The following L3HYPDH variants were observed in gnomAD, a reference collection of about 807,000 sequenced individuals.
L3HYPDH encodes the protein trans-L-3-hydroxyproline dehydratase.
A neutral mutation model predicts 26.5 loss-of-function variants in L3HYPDH; 32 were observed. That is an observed-to-expected ratio of 1.21 (90% CI 0.91 to 1.62). The LOEUF (loss-of-function observed/expected upper bound fraction) is 1.62. Ranked by LOEUF, L3HYPDH falls within the 40% of genes most tolerant of loss-of-function variation. The pLI is 0.00. For missense variants in L3HYPDH, 554 were observed against 476.4 expected, an observed-to-expected ratio of 1.16 and a Z score of -1.52; for synonymous variants, 215 against 196.6, an observed-to-expected ratio of 1.09 and a Z score of -0.78.
In L3HYPDH at chr14:59,476,182, A is replaced by C; in HGVS notation, c.711T>G (p.Leu237=). The C allele has an allele frequency of 6.2e-7, 1 of 1,609,428 alleles. No individual in the cohort carries two copies. Among genetic ancestry groups the C allele is most frequent in the Non-Finnish European group, 8.5e-7 (1 of 1,176,108 alleles). ...TTAATATAGTTCCATATAAAAAGGC[A>C]AGGTCTTCACTATCAGGATGATTAA... The part of the protein sequence containing the change: ...FKINHPDSED[L]AFLYGTILTD... The change falls in exon 3 of 5, where the codon CTT becomes CTG. Residue 237 remains leucine, a synonymous_variant. Transcript: ENST00000247194.
chr14:59,478,479 G>A (rs1012062203), intron 2 of L3HYPDH, among the ~76,000 whole-genome samples: 3 of 152,138 alleles, frequency 2.0e-5, no homozygotes, highest in Non-Finnish European at 4.4e-5. Flanking sequence ...AGTTACTCTG[G>A]AGGCTGAGGC....
chr14:59,494,568 T>G, the L3HYPDH span, among the ~76,000 whole-genome samples: 1 of 152,186 alleles, frequency 6.6e-6, no homozygotes, highest in Non-Finnish European at 1.5e-5. Context: ...AAAAGCAGTT[T>G]GGTACATGGT....
At chr14:59,481,977 G>C (rs1337285670) in intron 1 of L3HYPDH, among the ~76,000 whole-genome samples, 2 of 152,222 alleles carry the variant, frequency 1.3e-5, no homozygotes, top group Non-Finnish European at 1.5e-5. Flanking sequence ...GGTTTCTCAA[G>C]AGGACCAGAT....
At chr14:59,501,567 A>G in the L3HYPDH span, among the ~76,000 whole-genome samples, 5 of 152,180 alleles carry the variant, frequency 3.3e-5, no homozygotes, top group Non-Finnish European at 7.4e-5. Context: ...AAATGTTGAA[A>G]CTTATTAACA....
Position 59,472,875 on chromosome 14 carries a change from T to C in L3HYPDH, c.*90A>G. ...AAGAATGAGAGTTAGTTTATATGTA[T>C]AATTTATTTGTTTTCATATAATTTA... On this transcript the variant is annotated 3_prime_UTR_variant, in exon 5 of 5. Coordinates refer to ENST00000247194, the MANE Select transcript of L3HYPDH (RefSeq NM_144581.2). 2.6e-6 allele frequency: 3 copies of C among 1,169,662 alleles called. No individual in the cohort carries two copies. The highest frequency in any genetic ancestry group is 1.8e-5 in the South Asian group (1 of 54,746). 72.5% of individuals were successfully genotyped at this position (1,169,662 alleles called of 1,614,324 possible). A position where few individuals can be genotyped will look rare whatever the true frequency, so the allele number is the denominator to read the frequency against.
At chr14:59,483,100 C>T (rs1235627817) in intron 1 of L3HYPDH, among the ~76,000 whole-genome samples, 1 of 152,158 alleles carries the variant, frequency 6.6e-6, no homozygotes, top group Non-Finnish European at 1.5e-5. Context: ...ATCATATAAA[C>T]CTTGCAATCT....
the L3HYPDH span, chr14:59,498,719 T>C: frequency 7.2e-7 from 1 of 1,380,962 alleles, no homozygotes; most frequent in Non-Finnish European, 1.0e-6. Flanking sequence ...CTTTATTTTA[T>C]TTTACAGATA....
At chr14:59,469,553 C>A (rs58757069), downstream of L3HYPDH, among the ~76,000 whole-genome samples, 1 of 83,070 alleles carries the variant, frequency 1.2e-5, no homozygotes, top group Non-Finnish European at 2.2e-5. Context: ...GAGACTCCAT[C>A]TCATTAAAAA....
intron 4 of L3HYPDH, among the ~76,000 whole-genome samples, chr14:59,473,634 G>C (rs1233551547): frequency 1.3e-5 from 2 of 152,186 alleles, no homozygotes; most frequent in African/African-American, 4.8e-5. Context: ...CAGTCATTTA[G>C]AGATGAGTAT....
chr14:59,475,464 T>C (rs1481824511), intron 4 of L3HYPDH, among the ~76,000 whole-genome samples: 1 of 152,228 alleles, frequency 6.6e-6, no homozygotes, highest in African/African-American at 2.4e-5. Context: ...AAAGTGGCAT[T>C]GTTTGATATT....
intron 2 of L3HYPDH, chr14:59,478,979 T>C: frequency 3.0e-5 from 13 of 434,718 alleles, no homozygotes; most frequent in Non-Finnish European, 5.2e-5. Context: ...TTGGGCCACA[T>C]TCAAAGCCAT....
chr14:59,493,959 A>G, the L3HYPDH span, among the ~76,000 whole-genome samples: 3 of 152,336 alleles, frequency 2.0e-5, no homozygotes, highest in Admixed American at 6.5e-5. Flanking sequence ...AGGGGTGGGA[A>G]GGAGTACCTG....
At chr14:59,475,730 T>G (rs1889581686) in intron 4 of L3HYPDH, 139 bp downstream of exon 4, 2 of 931,802 alleles carry the variant, frequency 2.1e-6, no homozygotes, top group Non-Finnish European at 1.6e-6. Context: ...AATGTCCTAG[T>G]TGAAAAGAAG....
At chr14:59,476,629 G>A (rs1889649025) in intron 2 of L3HYPDH, among the ~76,000 whole-genome samples, 1 of 152,176 alleles carries the variant, frequency 6.6e-6, no homozygotes, top group Non-Finnish European at 1.5e-5. Flanking sequence ...AGGATAATGT[G>A]GGAAAATCAG....
downstream of L3HYPDH, among the ~76,000 whole-genome samples, chr14:59,470,799 CAGTA>C (rs1314835244): frequency 1.3e-5 from 2 of 151,952 alleles, no homozygotes; most frequent in Non-Finnish European, 2.9e-5. Flanking sequence ...AATGAGGAGA[CAGTA>C]AGGAATCTAG....
the L3HYPDH span, chr14:59,494,982 A>G: frequency 3.7e-5 from 55 of 1,491,706 alleles, no homozygotes; most frequent in Middle Eastern, 1.7e-4. Flanking sequence ...AAATATTGCA[A>G]TTTTTCTAGT....
chr14:59,476,444 C>T (rs1235977684), intron 2 of L3HYPDH, among the ~76,000 whole-genome samples: 1 of 152,206 alleles, frequency 6.6e-6, no homozygotes, highest in African/African-American at 2.4e-5. Flanking sequence ...TCTAAGGAAG[C>T]TGTCCTGCAT....
Position 59,484,349 on chromosome 14 carries a change from C to T in L3HYPDH, c.-33G>A. 1 of 1,551,904 alleles carries T rather than the reference C, an allele frequency of 6.4e-7. No homozygotes were observed. Among genetic ancestry groups the T allele is most frequent in the Non-Finnish European group, 8.7e-7 (1 of 1,153,692 alleles). ...GTCGGGGGAGACGAGTACGGTCCCG[C>T]AGCTATGGCTTCAAGCCCGACCCTC... On this transcript the variant is annotated 5_prime_UTR_variant, in exon 1 of 5. Coordinates refer to ENST00000247194, the MANE Select transcript of L3HYPDH (RefSeq NM_144581.2).
the L3HYPDH span, among the ~76,000 whole-genome samples, chr14:59,496,612 G>A: frequency 6.6e-6 from 1 of 152,148 alleles, no homozygotes; most frequent in Non-Finnish European, 1.5e-5. Flanking sequence ...ATCTGCACCT[G>A]TAATAGTCAC....
Sources: gnomAD v4.1 joint callset for allele counts (sites outside exome capture counted in the v4.1 genomes callset) on GRCh38, gnomAD v4.1.1 for gene constraint, MANE v1.5 for transcripts, NCBI Gene and HGNC (gene_info 2026-07-23, HGNC 2026-07-21) for gene names.